The following RBFOX1 variants were observed in gnomAD, a reference collection of about 807,000 sequenced individuals.
RBFOX1 encodes RNA binding fox-1 homolog 1, also known as RNA binding protein fox-1 homolog 1.
RBFOX1 carries 8 observed loss-of-function variants against 57.7 expected under a neutral mutation model. The ratio of observed to expected loss-of-function variants is 0.14; its 90% CI spans 0.08 to 0.25. The LOEUF (loss-of-function observed/expected upper bound fraction) is 0.25. RBFOX1 is among the 10% of genes least tolerant of loss of function. The probability of loss-of-function intolerance (pLI) is 1.00; values close to 1 mark genes in which losing one functional copy is unlikely to be tolerated. For missense variants in RBFOX1, 611 were observed against 548.5 expected, an observed-to-expected ratio of 1.11 and a Z score of -1.14; for synonymous variants, 326 against 222.4, an observed-to-expected ratio of 1.47 and a Z score of -4.15.
At chr16:7,426,786 C>G (rs770446270) in intron 4 of RBFOX1, among the ~76,000 whole-genome samples, 9 of 152,084 alleles carry the variant, frequency 5.9e-5, no homozygotes, top group Admixed American at 5.9e-4. Context: ...GGAGACTACA[C>G]CTACAGGGGT....
intron 2 of RBFOX1, among the ~76,000 whole-genome samples, chr16:6,634,168 G>A (rs1226513138): frequency 6.6e-6 from 1 of 152,144 alleles, no homozygotes; most frequent in African/African-American, 2.4e-5. Flanking sequence ...GGTTCAGAAT[G>A]GGTAGAAAAG....
intron 1 of RBFOX1, among the ~76,000 whole-genome samples, chr16:6,309,045 A>G (rs1198341737): frequency 6.6e-6 from 1 of 152,014 alleles, no homozygotes; most frequent in Non-Finnish European, 1.5e-5. Flanking sequence ...GGAAGTTTTA[A>G]TTTTATGGAG....
intron 3 of RBFOX1, among the ~76,000 whole-genome samples, chr16:6,711,139 G>A (rs1401765541): frequency 6.6e-6 from 1 of 152,162 alleles, no homozygotes; most frequent in Non-Finnish European, 1.5e-5. Context: ...AGGAAATCAT[G>A]TTGGCTTTAG....
intron 2 of RBFOX1, among the ~76,000 whole-genome samples, chr16:5,545,137 T>C (rs2045137785): frequency 6.6e-6 from 1 of 151,904 alleles, no homozygotes; most frequent in Non-Finnish European, 1.5e-5. Flanking sequence ...CCACCATGCC[T>C]GGCTAATTTT....
At chr16:7,379,674 A>C (rs2097753780) in intron 4 of RBFOX1, among the ~76,000 whole-genome samples, 1 of 152,114 alleles carries the variant, frequency 6.6e-6, no homozygotes, top group Non-Finnish European at 1.5e-5. Flanking sequence ...GTATTTAGCC[A>C]CACTGAAATT....
chr16:6,173,341 G>C (rs1192900790), intron 1 of RBFOX1, among the ~76,000 whole-genome samples: 1 of 152,158 alleles, frequency 6.6e-6, no homozygotes, highest in Non-Finnish European at 1.5e-5. Context: ...GAGATCCAAT[G>C]TCTTTAAAGT....
At chr16:7,530,598 G>A (rs1043018225) in intron 5 of RBFOX1, among the ~76,000 whole-genome samples, 7 of 151,996 alleles carry the variant, frequency 4.6e-5, no homozygotes, top group African/African-American at 1.2e-4. Context: ...AATGTCATGC[G>A]TTCCTGCCAG....
chr16:5,892,584 A>G (rs1296898687), intron 4 of RBFOX1, among the ~76,000 whole-genome samples: 1 of 152,196 alleles, frequency 6.6e-6, no homozygotes, highest in African/African-American at 2.4e-5. Context: ...CAGAGAGGCA[A>G]TAACCACTTT....
intron 1 of RBFOX1, among the ~76,000 whole-genome samples, chr16:6,271,971 G>C (rs1293539599): frequency 6.6e-6 from 1 of 152,144 alleles, no homozygotes; most frequent in Admixed American, 6.5e-5. Flanking sequence ...TACCCTGACA[G>C]TGAAACAGGA....
At chr16:6,028,820 C>G (rs1041409671) in intron 1 of RBFOX1, among the ~76,000 whole-genome samples, 1 of 152,118 alleles carries the variant, frequency 6.6e-6, no homozygotes, top group Non-Finnish European at 1.5e-5. Flanking sequence ...CTGAATGGGG[C>G]TATGTTGGAG....
chr16:6,838,969 T>A (rs1203326404), intron 3 of RBFOX1, among the ~76,000 whole-genome samples: 6 of 148,912 alleles, frequency 4.0e-5, no homozygotes, highest in Non-Finnish European at 8.9e-5. Context: ...AGGGGAGGAG[T>A]GTATCCATCA....
At chr16:7,493,813 C>G (rs942864000) in intron 4 of RBFOX1, among the ~76,000 whole-genome samples, 23 of 152,186 alleles carry the variant, frequency 1.5e-4, no homozygotes, top group African/African-American at 5.5e-4. Flanking sequence ...TGTGAAGCCA[C>G]AATGTTTCTG....
chr16:5,773,914 G>C (rs1246437226), intron 3 of RBFOX1, among the ~76,000 whole-genome samples: 2 of 152,004 alleles, frequency 1.3e-5, no homozygotes, highest in Admixed American at 6.6e-5. Flanking sequence ...GGTTGGTCTC[G>C]ATCTACTGAC....
intron 14 of RBFOX1, among the ~76,000 whole-genome samples, chr16:7,696,349 A>G (rs1023685824): frequency 7.9e-5 from 12 of 152,154 alleles, no homozygotes; most frequent in Non-Finnish European, 1.2e-4. Flanking sequence ...TAACATCAAG[A>G]ACCTTTGATG....
intron 5 of RBFOX1, among the ~76,000 whole-genome samples, chr16:7,542,640 A>C (rs1007186787): frequency 2.0e-5 from 3 of 147,530 alleles, no homozygotes; most frequent in Non-Finnish European, 4.5e-5. Flanking sequence ...GGATCACTTG[A>C]AGCCAGGAGT....
At chr16:7,165,110 A>G (rs1307605853) in intron 4 of RBFOX1, among the ~76,000 whole-genome samples, 2 of 152,190 alleles carry the variant, frequency 1.3e-5, no homozygotes, top group Non-Finnish European at 2.9e-5. Context: ...CAATCCTGTC[A>G]GTAGTCATCC....
At chr16:5,563,073 C>G (rs541281132) in intron 2 of RBFOX1, among the ~76,000 whole-genome samples, 10 of 152,294 alleles carry the variant, frequency 6.6e-5, no homozygotes, top group Admixed American at 1.3e-4. Flanking sequence ...CTTCAGCCTC[C>G]TGAGTAGCTG....
intron 4 of RBFOX1, among the ~76,000 whole-genome samples, chr16:5,913,192 G>A (rs2058639397): frequency 6.6e-6 from 1 of 152,182 alleles, no homozygotes; most frequent in Admixed American, 6.5e-5. Context: ...TAGGTAGAAA[G>A]CCACACACGG....
intron 5 of RBFOX1, among the ~76,000 whole-genome samples, chr16:7,537,229 C>A (rs1011176933): frequency 6.6e-6 from 1 of 152,204 alleles, no homozygotes; most frequent in Non-Finnish European, 1.5e-5. Context: ...TTGATAGGAA[C>A]TAGAATGGTC....
Sources: gnomAD v4.1 joint callset for allele counts (sites outside exome capture counted in the v4.1 genomes callset) on GRCh38, gnomAD v4.1.1 for gene constraint, MANE v1.5 for transcripts, NCBI Gene and HGNC (gene_info 2026-07-23, HGNC 2026-07-21) for gene names.